ABCB1: variants seen among roughly 807,000 people sequenced by gnomAD.
ABCB1 encodes the protein ATP-dependent translocase ABCB1.
A neutral mutation model predicts 142.0 loss-of-function variants in ABCB1; 69 were observed. The ratio of observed to expected loss-of-function variants is 0.49; its 90% CI spans 0.40 to 0.59. The LOEUF (loss-of-function observed/expected upper bound fraction) is 0.59, where lower values mean the gene tolerates loss of function less well. Ranked by LOEUF, ABCB1 falls within the 20% of genes least tolerant of loss-of-function variation. The pLI, the probability that ABCB1 is intolerant of heterozygous loss-of-function variation, is 0.00. For synonymous variants in ABCB1, 532 were observed against 539.2 expected (o/e 0.99, Z 0.18); for missense variants, 1,326 against 1,554.7 (o/e 0.85, Z 2.47).
At chr7:87,606,759 G>A (rs1415213190) in intron 1 of ABCB1, among the ~76,000 whole-genome samples, 1 of 151,934 alleles carries the variant, frequency 6.6e-6, no homozygotes, top group Non-Finnish European at 1.5e-5. Flanking sequence ...TGAAAGTTAG[G>A]TCTGAGTTTA....
At chr7:87,708,051 A>T (rs1829764504) in intron 1 of ABCB1, among the ~76,000 whole-genome samples, 1 of 152,142 alleles carries the variant, frequency 6.6e-6, no homozygotes. Context: ...TGTGTATTTT[A>T]AAAAAGAATA....
chr7:87,561,421 A>C, intron 7 of ABCB1, 34 bp from the exon 8 acceptor site: 2 of 1,579,200 alleles, frequency 1.3e-6, no homozygotes, highest in South Asian at 2.3e-5. Context: ...TCATGAAAAA[A>C]ACACGTTAAT....
intron 4 of ABCB1, among the ~76,000 whole-genome samples, chr7:87,573,523 C>A (rs1361568122): frequency 6.6e-6 from 1 of 152,156 alleles, no homozygotes; most frequent in Non-Finnish European, 1.5e-5. Flanking sequence ...TCTCCTGTAA[C>A]AAGACTACTG....
intron 26 of ABCB1, among the ~76,000 whole-genome samples, 177 bp downstream of exon 26, chr7:87,509,098 G>A (rs1173115461): frequency 6.6e-6 from 1 of 152,150 alleles, no homozygotes; most frequent in Non-Finnish European, 1.5e-5. Flanking sequence ...CAGGTGATCA[G>A]GTAAAGGTAA....
rs955609960 is a variant in ABCB1, at chr7:87,504,058, C to G, written c.*185G>C. ...TAATGCAGTTTAAACTATGATTTCTCTCCACTTGATGATGTCTCTCACTCT... is the reference window on the plus strand; with the variant it reads ...TAATGCAGTTTAAACTATGATTTCTGTCCACTTGATGATGTCTCTCACTCT... On this transcript the variant is annotated 3_prime_UTR_variant, in exon 28 of 28. Coordinates refer to ENST00000622132, the MANE Select transcript of ABCB1 (RefSeq NM_001348946.2). The G allele has an allele frequency of 3.0e-6, 2 of 670,790 alleles. No homozygotes were observed. Among genetic ancestry groups the G allele is most frequent in the Admixed American group, 2.8e-5 (1 of 36,046 alleles). 41.6% of individuals were successfully genotyped at this position (670,790 alleles called of 1,614,324 possible).
In ABCB1 at chr7:87,519,364, C is replaced by T; in HGVS notation, c.2889G>A (p.Leu963=). Residue 963 remains leucine, a synonymous_variant, in exon 23 of 28, where the codon TTG becomes TTA. Coordinates refer to ENST00000622132, the MANE Select transcript of ABCB1 (RefSeq NM_001348946.2). ...YAGCFRFGAY[L]VAHKLMSFED... Reference sequence around the variant, plus strand: ...CAAAGCTCATGAGTTTATGTGCCACCAAGTAGGCTCCAAACCGGAAACATC... The same window carrying T: ...CAAAGCTCATGAGTTTATGTGCCACTAAGTAGGCTCCAAACCGGAAACATC... The T allele has an allele frequency of 6.2e-7, 1 of 1,614,078 alleles. No homozygotes were observed. Among genetic ancestry groups the T allele is most frequent in the Non-Finnish European group, 8.5e-7 (1 of 1,179,984 alleles).
At chr7:87,598,720 C>A (rs1472143631) in intron 2 of ABCB1, among the ~76,000 whole-genome samples, 1 of 152,192 alleles carries the variant, frequency 6.6e-6, no homozygotes, top group African/African-American at 2.4e-5. Flanking sequence ...TTCAGTATCT[C>A]AAAATCAGTT....
upstream of ABCB1, among the ~76,000 whole-genome samples, chr7:87,605,111 C>T (rs983750649): frequency 6.6e-6 from 1 of 152,080 alleles, no homozygotes; most frequent in Non-Finnish European, 1.5e-5. Flanking sequence ...TTCAAAGATC[C>T]GTTGCCATGA....
chr7:87,583,265 G>T (rs754670684), intron 4 of ABCB1, among the ~76,000 whole-genome samples: 1 of 152,094 alleles, frequency 6.6e-6, no homozygotes, highest in East Asian at 1.9e-4. Context: ...AGGTTCTATT[G>T]TTATCCAACT....
intron 1 of ABCB1, among the ~76,000 whole-genome samples, chr7:87,701,306 G>A (rs1829015634): frequency 6.6e-6 from 1 of 152,312 alleles, no homozygotes; most frequent in African/African-American, 2.4e-5. Flanking sequence ...CAAGGAAACA[G>A]CTGACAGTAT....
At position 87,550,722 on chromosome 7, in the gene ABCB1, T is replaced by C; in HGVS notation, c.1113+3A>G. 1.2e-6 allele frequency: 2 copies of C among 1,606,318 alleles called. No homozygotes were observed. The highest frequency in any genetic ancestry group is 1.7e-6 in the Non-Finnish European group (2 of 1,172,928). ...GGTGGATAGATGGCCAACTCAGACT[T>C]ACATTATCAATTATCTTGAAGATTT... On this transcript the variant is annotated splice_donor_region_variant and intron_variant, in intron 10 of 27. Transcript: ENST00000622132.
chr7:87,545,724 C>T, intron 15 of ABCB1, 139 bp downstream of exon 15: 1 of 845,708 alleles, frequency 1.2e-6, no homozygotes, highest in East Asian at 2.7e-5. Flanking sequence ...ATCTTAAACA[C>T]TGGTCTCATC....
intron 1 of ABCB1, chr7:87,700,365 C>A: frequency 1.4e-6 from 2 of 1,396,860 alleles, no homozygotes; most frequent in Non-Finnish European, 1.9e-6. Context: ...CTTGCATTTT[C>A]AAGTCTAGTT....
chr7:87,517,458 C>T (rs892368716), intron 23 of ABCB1, among the ~76,000 whole-genome samples: 14 of 152,138 alleles, frequency 9.2e-5, no homozygotes, highest in African/African-American at 3.4e-4. Context: ...GTCTGAATCC[C>T]AACCAACCAG....
At chr7:87,680,198 A>G (rs1225440635) in intron 1 of ABCB1, among the ~76,000 whole-genome samples, 1 of 150,436 alleles carries the variant, frequency 6.6e-6, no homozygotes, top group Admixed American at 6.6e-5. Context: ...CCTGCAAAGG[A>G]CATGACCTCA....
In ABCB1 at chr7:87,550,887, AT is replaced by A. The variant is rs749019574; in HGVS notation, c.1000-50del. On this transcript the variant is annotated intron_variant, in intron 9 of 27. Coordinates refer to ENST00000622132, the MANE Select transcript of ABCB1 (RefSeq NM_001348946.2). Reference sequence around the variant, plus strand: ...TCAGGCTACTGAGATAGTGACAGCAATTTTTTTTCATACTTCTTCTGTCTTT... The same window carrying A: ...TCAGGCTACTGAGATAGTGACAGCAATTTTTTTCATACTTCTTCTGTCTTT... The A allele has an allele frequency of 2.0e-4, 220 of 1,112,848 alleles. 4 individuals are homozygous for A. The African/African-American group carries it at 2.6e-3, about 13-fold the overall frequency. 68.9% of individuals were successfully genotyped at this position (1,112,848 alleles called of 1,614,324 possible). A position where few individuals can be genotyped will look rare whatever the true frequency, so the allele number is the denominator to read the frequency against.
In ABCB1 at chr7:87,522,013, A is replaced by C. The variant is rs1357037147; in HGVS notation, c.2686-1137T>G. Reference sequence around the variant, plus strand: ...AAGTTAGGAAAGCCCTGTCAAAGCAAGAGATGGTGAGTGCTTCATCCAGCC... The same window carrying C: ...AAGTTAGGAAAGCCCTGTCAAAGCACGAGATGGTGAGTGCTTCATCCAGCC... On this transcript the variant is annotated intron_variant, in intron 21 of 27. Coordinates refer to ENST00000622132, the MANE Select transcript of ABCB1 (RefSeq NM_001348946.2). 5.5e-6 allele frequency: 5 copies of C among 903,784 alleles called. No homozygotes were observed. In the Admixed American group the frequency reaches 6.8e-5, roughly 12 times the overall value. The allele number at this position is 903,784 out of a possible 1,614,324, so 56.0% of individuals were successfully genotyped here. A position where few individuals can be genotyped will look rare whatever the true frequency, so the allele number is the denominator to read the frequency against.
chr7:87,613,543 A>G (rs181783986), intron 1 of ABCB1, among the ~76,000 whole-genome samples: 166 of 152,314 alleles, frequency 1.1e-3, no homozygotes, highest in African/African-American at 3.9e-3. Flanking sequence ...ATAAAAAAAG[A>G]ACAAAATCAT....
chr7:87,590,604 C>T (rs944122046), intron 3 of ABCB1, among the ~76,000 whole-genome samples: 2 of 152,078 alleles, frequency 1.3e-5, no homozygotes, highest in African/African-American at 2.4e-5. Context: ...CAGGAAGAGC[C>T]AATGCAAAGG....
Sources: allele counts gnomAD v4.1 joint callset (sites outside exome capture counted in the v4.1 genomes callset), GRCh38; gene constraint gnomAD v4.1.1; transcripts MANE v1.5; gene names NCBI Gene and HGNC (gene_info 2026-07-23, HGNC 2026-07-21).